The following DCDC2 variants were observed in gnomAD, a reference collection of about 807,000 sequenced individuals.
The protein encoded by DCDC2 is doublecortin domain-containing protein 2.
Under a neutral mutation model 50.2 loss-of-function variants are expected in DCDC2, and 40 were observed. That is an observed-to-expected ratio of 0.80 (90% CI 0.62 to 1.04). The LOEUF (loss-of-function observed/expected upper bound fraction) is 1.04. Among genes scored for constraint, DCDC2 ranks in the 50% least tolerant of loss-of-function variants. The pLI is 0.00. For synonymous variants in DCDC2, 234 were observed against 210.6 expected, an observed-to-expected ratio of 1.11 and a Z score of -0.96; for missense variants, 570 against 581.9, an observed-to-expected ratio of 0.98 and a Z score of 0.21.
chr6:24,210,686 A>T (rs910167415), intron 7 of DCDC2, among the ~76,000 whole-genome samples: 20 of 152,288 alleles, frequency 1.3e-4, no homozygotes, highest in African/African-American at 4.8e-4. Flanking sequence ...GCTAGCTCAT[A>T]ATCATCCTCC....
upstream of DCDC2, among the ~76,000 whole-genome samples, chr6:24,360,183 G>T (rs1454547429): frequency 6.6e-6 from 1 of 152,270 alleles, no homozygotes; most frequent in Non-Finnish European, 1.5e-5. Context: ...CGCGGGGAGC[G>T]AGTCAGTGAA....
the DCDC2 span, among the ~76,000 whole-genome samples, chr6:24,376,240 C>A: frequency 5.5e-4 from 83 of 152,234 alleles, no homozygotes; most frequent in South Asian, 0.016. Flanking sequence ...AATATAAATT[C>A]TATGACGCAC....
intron 7 of DCDC2, among the ~76,000 whole-genome samples, chr6:24,265,135 TACA>T (rs1344020625): frequency 6.6e-6 from 1 of 151,728 alleles, no homozygotes; most frequent in Non-Finnish European, 1.5e-5. Context: ...ACCTCATCTC[TACA>T]ACAAAAAAGA....
chr6:24,373,354 G>A, the DCDC2 span, among the ~76,000 whole-genome samples: 8 of 152,244 alleles, frequency 5.3e-5, no homozygotes, highest in Admixed American at 2.0e-4. Flanking sequence ...ACCATAGAAC[G>A]GATTAATAAA....
intron 8 of DCDC2, among the ~76,000 whole-genome samples, chr6:24,201,020 C>T (rs1230983373): frequency 1.3e-5 from 2 of 151,958 alleles, no homozygotes; most frequent in Non-Finnish European, 2.9e-5. Context: ...TTTTAGGGAC[C>T]CACAAAAAGA....
At chr6:24,182,819 T>G (rs1488191350) in intron 8 of DCDC2, among the ~76,000 whole-genome samples, 3 of 152,002 alleles carry the variant, frequency 2.0e-5, no homozygotes, top group African/African-American at 7.2e-5. Context: ...CCAAAAGAAC[T>G]GAAAGCAAGG....
At chr6:24,270,239 G>T (rs1192809104) in intron 7 of DCDC2, among the ~76,000 whole-genome samples, 1 of 152,120 alleles carries the variant, frequency 6.6e-6, no homozygotes, top group Non-Finnish European at 1.5e-5. Context: ...ATAGATCTTT[G>T]ACTCTGGGCA....
upstream of DCDC2, among the ~76,000 whole-genome samples, chr6:24,359,563 T>TA (rs1284219588): frequency 7.2e-4 from 84 of 116,416 alleles, no homozygotes; most frequent in South Asian, 0.014. Flanking sequence ...ATTATATATT[T>TA]TTATATATAT....
intron 7 of DCDC2, among the ~76,000 whole-genome samples, chr6:24,229,023 G>A (rs1303720401): frequency 2.6e-5 from 4 of 152,318 alleles, no homozygotes; most frequent in African/African-American, 9.6e-5. Flanking sequence ...CTGCTAAGTA[G>A]ATGCGTTGTG....
At chr6:24,180,745 T>C (rs1435402854) in intron 8 of DCDC2, among the ~76,000 whole-genome samples, 1 of 152,066 alleles carries the variant, frequency 6.6e-6, no homozygotes, top group Non-Finnish European at 1.5e-5. Context: ...CCTTTCCAAC[T>C]CTAGAAGCCC....
Position 24,229,324 on chromosome 6 carries a change from G to A in DCDC2, c.923-24222C>T, listed in dbSNP as rs536855788. On this transcript the variant is annotated intron_variant, in intron 7 of 9. Transcript: ENST00000378454. ...CCATCCTTAGAGCCGGCCATGGCTC[G>A]TGGTCGAGTCTTTTTTACATTATCT... Among the ~76,000 whole-genome samples the A allele has an allele frequency of 4.9e-3, 742 of 152,212 alleles. 21 individuals carry two copies. The highest frequency in any genetic ancestry group is 3.4e-3 in the Middle Eastern group (1 of 294).
At chr6:24,355,392 A>G (rs1044437731) in intron 1 of DCDC2, among the ~76,000 whole-genome samples, 1 of 152,198 alleles carries the variant, frequency 6.6e-6, no homozygotes, top group Non-Finnish European at 1.5e-5. Flanking sequence ...CATTTCCACG[A>G]AATTGCTTTA....
At chr6:24,220,907 A>AGAGTGAGCGAGC (rs1762101727) in intron 7 of DCDC2, among the ~76,000 whole-genome samples, 2 of 132,144 alleles carry the variant, frequency 1.5e-5, no homozygotes, top group South Asian at 2.5e-4. Flanking sequence ...AGCGAGCGAG[A>AGAGTGAGCGAGC]GAGTGAGCGA....
intron 7 of DCDC2, among the ~76,000 whole-genome samples, chr6:24,220,903 C>CGAGAGAGTGAGCGAGCGAGT (rs1554146357): frequency 4.1e-4 from 52 of 126,268 alleles, no homozygotes; most frequent in African/African-American, 1.3e-3. Context: ...AGCGAGCGAG[C>CGAGAGAGTGAGCGAGCGAGT]GAGAGAGTGA....
At chr6:24,276,040 TTTTTA>T (rs1236331214) in intron 7 of DCDC2, among the ~76,000 whole-genome samples, 1 of 151,950 alleles carries the variant, frequency 6.6e-6, no homozygotes, top group Non-Finnish European at 1.5e-5. Flanking sequence ...CCACTAATTT[TTTTTA>T]TTTGTTTTGT....
chr6:24,290,079 C>A (rs886604660), intron 5 of DCDC2, among the ~76,000 whole-genome samples: 1 of 144,906 alleles, frequency 6.9e-6, no homozygotes, highest in Admixed American at 6.9e-5. Flanking sequence ...CTGCAAGCTC[C>A]GCCTCCCGGG....
rs1174516272 is a variant in DCDC2, at chr6:24,328,868, G to C, written c.348+24701C>G. Among the ~76,000 whole-genome samples, 4 of 152,110 alleles carry C rather than the reference G, an allele frequency of 2.6e-5. No homozygotes were observed. The East Asian group carries it at 7.7e-4, about 29-fold the overall frequency. On this transcript the variant is annotated intron_variant, in intron 2 of 9. Coordinates refer to ENST00000378454, the MANE Select transcript of DCDC2 (RefSeq NM_016356.5). ...CAACAAGCTCTTCCTTGGAAAGCAGGAGCCACATAGTTCTCATTTTTCATC... is the reference window on the plus strand; with the variant it reads ...CAACAAGCTCTTCCTTGGAAAGCAGCAGCCACATAGTTCTCATTTTTCATC...
chr6:24,195,965 G>C (rs1283946953), intron 8 of DCDC2, among the ~76,000 whole-genome samples: 1 of 152,104 alleles, frequency 6.6e-6, no homozygotes, highest in African/African-American at 2.4e-5. Context: ...AAATAACTTG[G>C]CCAATTTGCA....
At chr6:24,304,416 G>A (rs1759433867) in intron 2 of DCDC2, among the ~76,000 whole-genome samples, 1 of 152,196 alleles carries the variant, frequency 6.6e-6, no homozygotes, top group Admixed American at 6.5e-5. Flanking sequence ...CCGGGAGGCA[G>A]AGGTTGCAAT....
Sources: gnomAD v4.1 joint callset for allele counts (sites outside exome capture counted in the v4.1 genomes callset) on GRCh38, gnomAD v4.1.1 for gene constraint, MANE v1.5 for transcripts, NCBI Gene and HGNC (gene_info 2026-07-23, HGNC 2026-07-21) for gene names.